Variants in ZFPM2 observed in about 807,000 individuals in gnomAD.
The protein encoded by ZFPM2 is zinc finger protein, FOG family member 2.
Under a neutral mutation model 98.6 loss-of-function variants are expected in ZFPM2, and 20 were observed. The ratio of observed to expected loss-of-function variants is 0.20; its 90% CI spans 0.14 to 0.29. The LOEUF (loss-of-function observed/expected upper bound fraction) is 0.29, where lower values mean the gene tolerates loss of function less well. ZFPM2 is among the 10% of genes least tolerant of loss of function. The pLI is 1.00. For synonymous variants in ZFPM2, 518 were observed against 502.7 expected, an observed-to-expected ratio of 1.03 and a Z score of -0.41; for missense variants, 1,310 against 1,388.6, an observed-to-expected ratio of 0.94 and a Z score of 0.90.
At chr8:105,681,260 C>T (rs1373314106) in intron 5 of ZFPM2, among the ~76,000 whole-genome samples, 2 of 152,126 alleles carry the variant, frequency 1.3e-5, no homozygotes, top group African/African-American at 2.4e-5. Flanking sequence ...CTACCCTGCC[C>T]TCTTGCCATC....
At chr8:105,398,324 A>G (rs572163668) in intron 1 of ZFPM2, among the ~76,000 whole-genome samples, 2 of 152,346 alleles carry the variant, frequency 1.3e-5, no homozygotes, top group African/African-American at 4.8e-5. Context: ...AAAAGATTGC[A>G]TAGCACTCAG....
At chr8:105,719,714 T>C (rs1399460386) in intron 5 of ZFPM2, among the ~76,000 whole-genome samples, 5 of 151,924 alleles carry the variant, frequency 3.3e-5, no homozygotes, top group Non-Finnish European at 7.4e-5. Flanking sequence ...ATTATTGTTA[T>C]TGTGTTTAGC....
chr8:105,752,770 A>T (rs1023387459), intron 5 of ZFPM2, among the ~76,000 whole-genome samples: 2 of 152,072 alleles, frequency 1.3e-5, no homozygotes, highest in African/African-American at 4.8e-5. Flanking sequence ...AATTGTCTAA[A>T]TATTTTTCTG....
At chr8:105,772,403 T>C (rs1442443359) in intron 5 of ZFPM2, among the ~76,000 whole-genome samples, 1 of 152,260 alleles carries the variant, frequency 6.6e-6, no homozygotes, top group Non-Finnish European at 1.5e-5. Context: ...CTGCTAGTTA[T>C]AGACACACCC....
chr8:105,617,894 G>A (rs936286313), intron 4 of ZFPM2, among the ~76,000 whole-genome samples: 2 of 152,124 alleles, frequency 1.3e-5, no homozygotes, highest in South Asian at 2.1e-4. Context: ...AAAAGTATTC[G>A]CTGTTTTTCA....
At chr8:105,771,227 G>A (rs1812972859) in intron 5 of ZFPM2, among the ~76,000 whole-genome samples, 1 of 151,994 alleles carries the variant, frequency 6.6e-6, no homozygotes, top group Non-Finnish European at 1.5e-5. Flanking sequence ...CCTCTGAAGA[G>A]GATCCCCACT....
At chr8:105,433,679 C>T (rs1308021819) in intron 2 of ZFPM2, among the ~76,000 whole-genome samples, 5 of 151,974 alleles carry the variant, frequency 3.3e-5, no homozygotes, top group Non-Finnish European at 5.9e-5. Context: ...CCCAGCTACT[C>T]GGGAGGCTGA....
At chr8:105,732,778 T>C (rs1811972506) in intron 5 of ZFPM2, among the ~76,000 whole-genome samples, 1 of 151,790 alleles carries the variant, frequency 6.6e-6, no homozygotes, top group South Asian at 2.1e-4. Flanking sequence ...GACTGAAGCA[T>C]TGCAGTTCTA....
At chr8:105,731,000 C>T (rs1811922042) in intron 5 of ZFPM2, among the ~76,000 whole-genome samples, 1 of 151,554 alleles carries the variant, frequency 6.6e-6, no homozygotes, top group South Asian at 2.1e-4. Flanking sequence ...CTCAGTTCAA[C>T]ACTTATCTTG....
At chr8:105,442,177 C>CAAAA (rs34122458) in intron 2 of ZFPM2, among the ~76,000 whole-genome samples, 7 of 131,368 alleles carry the variant, frequency 5.3e-5, no homozygotes, top group African/African-American at 2.0e-4. Flanking sequence ...ACTAAAAATA[C>CAAAA]AAAAAAAAAA....
At chr8:105,698,861 T>C (rs1048256023) in intron 5 of ZFPM2, among the ~76,000 whole-genome samples, 1 of 152,180 alleles carries the variant, frequency 6.6e-6, no homozygotes, top group African/African-American at 2.4e-5. Flanking sequence ...TATAATATCT[T>C]TTCATCTAGA....
chr8:105,361,835 T>C (rs1210289930), intron 1 of ZFPM2, among the ~76,000 whole-genome samples: 1 of 151,466 alleles, frequency 6.6e-6, no homozygotes, highest in East Asian at 1.9e-4. Context: ...TTACTGTACC[T>C]TTTTTATGTT....
chr8:105,371,684 A>G (rs1810624234), intron 1 of ZFPM2, among the ~76,000 whole-genome samples: 1 of 152,224 alleles, frequency 6.6e-6, no homozygotes, highest in Non-Finnish European at 1.5e-5. Context: ...TGAAATTAAA[A>G]TACAAATTAT....
chr8:105,794,977 C>T (rs1239735188), intron 6 of ZFPM2, among the ~76,000 whole-genome samples: 6 of 152,228 alleles, frequency 3.9e-5, no homozygotes, highest in Non-Finnish European at 8.8e-5. Context: ...TTCCAGGTGC[C>T]GTCTGTCACC....
Position 105,419,137 on chromosome 8 carries a change from T to G in ZFPM2, c.41-7T>G, listed in dbSNP as rs750925660. On this transcript the variant is annotated splice_region_variant and splice_polypyrimidine_tract_variant and intron_variant, in intron 1 of 7. Transcript: ENST00000407775. Reference sequence around the variant, plus strand: ...TTTTGGTACAGTTTCCCTGATTCTTTTTCAAGGGCCGCTTGAAGATGCCAT... The same window carrying G: ...TTTTGGTACAGTTTCCCTGATTCTTGTTCAAGGGCCGCTTGAAGATGCCAT... 8.7e-6 allele frequency: 14 copies of G among 1,609,104 alleles called. No homozygotes were observed. In the South Asian group the frequency reaches 1.6e-4, roughly 18 times the overall value.
intron 5 of ZFPM2, among the ~76,000 whole-genome samples, chr8:105,656,111 A>G (rs865932056): frequency 6.6e-6 from 1 of 152,190 alleles, no homozygotes; most frequent in Admixed American, 6.5e-5. Flanking sequence ...CCAAAAATAA[A>G]TAGTAAACCG....
At chr8:105,358,179 C>T (rs574000252) in intron 1 of ZFPM2, among the ~76,000 whole-genome samples, 3 of 151,758 alleles carry the variant, frequency 2.0e-5, no homozygotes, top group Non-Finnish European at 2.9e-5. Context: ...CCTAGTGTGT[C>T]GTAAAACTGG....
At chr8:105,773,749 T>G (rs956162751) in intron 5 of ZFPM2, among the ~76,000 whole-genome samples, 1 of 151,814 alleles carries the variant, frequency 6.6e-6, no homozygotes, top group African/African-American at 2.4e-5. Flanking sequence ...TTGTGAATAT[T>G]TTGAAGCAGC....
intron 5 of ZFPM2, among the ~76,000 whole-genome samples, chr8:105,704,475 A>G (rs1424847177): frequency 6.6e-6 from 1 of 152,154 alleles, no homozygotes; most frequent in African/African-American, 2.4e-5. Flanking sequence ...AAGCTATATC[A>G]TGTTAATTCG....
Sources: gnomAD v4.1 joint callset for allele counts (sites outside exome capture counted in the v4.1 genomes callset) on GRCh38, gnomAD v4.1.1 for gene constraint, MANE v1.5 for transcripts, NCBI Gene and HGNC (gene_info 2026-07-23, HGNC 2026-07-21) for gene names.